Variants in SNRPD3 observed in about 807,000 individuals in gnomAD.
SNRPD3 encodes small nuclear ribonucleoprotein D3 polypeptide.
For missense variants in SNRPD3, 73 were observed against 167.5 expected, an observed-to-expected ratio of 0.44 and a Z score of 3.11; for synonymous variants, 66 against 58.4, an observed-to-expected ratio of 1.13 and a Z score of -0.59.
chr22:24,557,950 G>A (rs1488426915), intron 2 of SNRPD3, 150 bp downstream of exon 2: 1 of 650,436 alleles, frequency 1.5e-6, no homozygotes, highest in Non-Finnish European at 2.5e-6. Context: ...GCTGTTATAG[G>A]CTCTGGGGGT....
chr22:24,556,097 G>T, intron 1 of SNRPD3, 26 bp downstream of exon 1: 1 of 564,756 alleles, frequency 1.8e-6, no homozygotes, highest in Non-Finnish European at 3.2e-6. Context: ...GGCGAGGGGA[G>T]GTCGAGGCGC....
At position 24,568,183 on chromosome 22, in the gene SNRPD3, G is replaced by T. The variant is rs201428752; in HGVS notation, c.319+7G>T. On this transcript the variant is annotated splice_region_variant and intron_variant, in intron 3 of 3. Coordinates refer to ENST00000215829, the MANE Select transcript of SNRPD3 (RefSeq NM_004175.5). ...GCTATTCTCAAGGCCCAAGGTAGGTGCTTTTCATGCACAGGTTTTAAAATA... is the reference window on the plus strand; with the variant it reads ...GCTATTCTCAAGGCCCAAGGTAGGTTCTTTTCATGCACAGGTTTTAAAATA... 125 of 1,602,118 alleles carry T rather than the reference G, an allele frequency of 7.8e-5. 1 individual carries two copies. The East Asian group carries it at 2.7e-3, about 35-fold the overall frequency.
chr22:24,560,631 T>C (rs1283701343), intron 2 of SNRPD3, among the ~76,000 whole-genome samples: 1 of 151,394 alleles, frequency 6.6e-6, no homozygotes, highest in Non-Finnish European at 1.5e-5. Flanking sequence ...GGTTTCCCCA[T>C]GTTGCCCAGG....
At position 24,557,523 on chromosome 22, in the gene SNRPD3, T is replaced by TC. The variant is rs398121748; in HGVS notation, c.-18-132dup. The TC allele has an allele frequency of 5.0e-4, 313 of 620,606 alleles. 1 individual carries two copies. Among genetic ancestry groups the TC allele is most frequent in the Admixed American group, 7.8e-4 (22 of 28,372 alleles). 38.4% of individuals were successfully genotyped at this position (620,606 alleles called of 1,614,324 possible). A position where few individuals can be genotyped will look rare whatever the true frequency, so the allele number is the denominator to read the frequency against. ...ACCAGGAGCTGAGCTTTTTTTTTTT[T>TC]CCTTGGTAGAAAATGCAGCTTTGGT... On this transcript the variant is annotated intron_variant, in intron 1 of 3. Coordinates refer to ENST00000215829, the MANE Select transcript of SNRPD3 (RefSeq NM_004175.5).
chr22:24,560,949 G>C (rs748967593), intron 2 of SNRPD3, among the ~76,000 whole-genome samples: 1 of 150,976 alleles, frequency 6.6e-6, no homozygotes, highest in Non-Finnish European at 1.5e-5. Context: ...ATGTTGCCCA[G>C]GCTGGTCTCT....
chr22:24,570,756 G>A lies in SNRPD3; in HGVS notation c.320-1160G>A, dbSNP rs148331118. On this transcript the variant is annotated intron_variant, in intron 3 of 3. Coordinates refer to ENST00000215829, the MANE Select transcript of SNRPD3 (RefSeq NM_004175.5). The stretch of plus-strand genomic sequence containing the variant: ...AACCCCTGGGTTACAGAGGAGAACA[G>A]CAGTCTTATCATGCTATTTATATGG... Among the ~76,000 whole-genome samples, 6 of 151,936 alleles carry A rather than the reference G, an allele frequency of 3.9e-5. No homozygotes were observed. In the East Asian group the frequency reaches 1.2e-3, roughly 29 times the overall value.
chr22:24,557,539 C>A, intron 1 of SNRPD3, 118 bp from the exon 2 acceptor site: 1 of 660,032 alleles, frequency 1.5e-6, no homozygotes, highest in Non-Finnish European at 2.6e-6. Flanking sequence ...GTAGAAAATG[C>A]AGCTTTGGTG....
At chr22:24,570,968 A>G in intron 3 of SNRPD3, among the ~76,000 whole-genome samples, 1 of 151,852 alleles carries the variant, frequency 6.6e-6, no homozygotes, top group East Asian at 1.9e-4. Context: ...ACAGGCGCAT[A>G]CCACCACGTG....
At chr22:24,564,856 C>T (rs982371385) in intron 2 of SNRPD3, among the ~76,000 whole-genome samples, 1 of 150,070 alleles carries the variant, frequency 6.7e-6, no homozygotes, top group Non-Finnish European at 1.5e-5. Context: ...GCAATAGAGA[C>T]AGCATTTAGA....
At chr22:24,563,202 ATATATGTG>A (rs1217358419) in intron 2 of SNRPD3, among the ~76,000 whole-genome samples, 9 of 138,808 alleles carry the variant, frequency 6.5e-5, no homozygotes, top group African/African-American at 1.7e-4. Context: ...ACCCTGTCTC[ATATATGTG>A]TGTGTGTGTG....
chr22:24,557,106 C>A (rs1234698633), intron 1 of SNRPD3, among the ~76,000 whole-genome samples: 1 of 152,132 alleles, frequency 6.6e-6, no homozygotes, highest in Non-Finnish European at 1.5e-5. Flanking sequence ...TACATGTGGC[C>A]GTTGAGGACT....
intron 1 of SNRPD3, 113 bp from the exon 2 acceptor site, chr22:24,557,544 T>G: frequency 8.6e-6 from 6 of 700,066 alleles, no homozygotes; most frequent in African/African-American, 1.9e-5. Flanking sequence ...AAATGCAGCT[T>G]TGGTGTTTTT....
upstream of SNRPD3, chr22:24,555,689 G>C: frequency 6.4e-7 from 1 of 1,550,640 alleles, no homozygotes; most frequent in African/African-American, 1.4e-5. Flanking sequence ...TGCTGTCCCC[G>C]GTCTGAGGGC....
chr22:24,556,709 T>A (rs914217038), intron 1 of SNRPD3, among the ~76,000 whole-genome samples: 1 of 152,260 alleles, frequency 6.6e-6, no homozygotes, highest in Non-Finnish European at 1.5e-5. Flanking sequence ...TTACATATAA[T>A]TCTGCAGTGG....
At chr22:24,559,137 G>A (rs1054615093) in intron 2 of SNRPD3, among the ~76,000 whole-genome samples, 7 of 152,002 alleles carry the variant, frequency 4.6e-5, no homozygotes, top group South Asian at 4.2e-4. Flanking sequence ...ACCTTACACC[G>A]CGGTCAGGCA....
intron 3 of SNRPD3, among the ~76,000 whole-genome samples, chr22:24,571,681 T>C (rs940198854): frequency 6.6e-6 from 1 of 151,434 alleles, no homozygotes; most frequent in Admixed American, 6.6e-5. Context: ...GAGGTGGAGA[T>C]TGCAGTGAGC....
chr22:24,558,814 C>T lies in SNRPD3; in HGVS notation c.126+1014C>T, dbSNP rs570293913. On this transcript the variant is annotated intron_variant, in intron 2 of 3. Transcript: ENST00000215829. ...GAGTCTAGCATGGGGCAGAAATGGGCGGACTGGCACCCCCGGTGTGTTCAG... is the reference window on the plus strand; with the variant it reads ...GAGTCTAGCATGGGGCAGAAATGGGTGGACTGGCACCCCCGGTGTGTTCAG... Among the ~76,000 whole-genome samples the T allele has an allele frequency of 7.9e-5, 12 of 152,244 alleles. No individual in the cohort carries two copies. In the South Asian group the frequency reaches 2.3e-3, roughly 29 times the overall value.
At chr22:24,563,206 ATGTGTGTG>A (rs1177387267) in intron 2 of SNRPD3, among the ~76,000 whole-genome samples, 1 of 106,142 alleles carries the variant, frequency 9.4e-6, no homozygotes, top group African/African-American at 2.8e-5. Flanking sequence ...TGTCTCATAT[ATGTGTGTG>A]TGTGTGTGTG....
chr22:24,573,891 CAAATG>C lies in SNRPD3; in HGVS notation c.*1918_*1922del, dbSNP rs1276291293. Among the ~76,000 whole-genome samples the C allele has an allele frequency of 6.6e-6, 1 of 152,116 alleles. No individual in the cohort carries two copies. The highest frequency in any genetic ancestry group is 1.5e-5 in the Non-Finnish European group (1 of 68,008). ...GAGACCCTGTCTCTTAAATAAAAAA[CAAATG>C]AAAGCAGTGGTTTTCAACATCAACT... On this transcript the variant is annotated 3_prime_UTR_variant, in exon 4 of 4. Coordinates refer to ENST00000215829, the MANE Select transcript of SNRPD3 (RefSeq NM_004175.5).
Sources: allele counts gnomAD v4.1 joint callset (sites outside exome capture counted in the v4.1 genomes callset), GRCh38; gene constraint gnomAD v4.1.1; transcripts MANE v1.5; gene names NCBI Gene and HGNC (gene_info 2026-07-23, HGNC 2026-07-21).